The following ASTN2 variants were observed in gnomAD, a reference collection of about 807,000 sequenced individuals.
The protein encoded by ASTN2 is astrotactin-2.
In ASTN2, 54 loss-of-function variants were observed where a neutral mutation model predicts 139.8. That is an observed-to-expected ratio of 0.39 (90% CI 0.31 to 0.48). The LOEUF (loss-of-function observed/expected upper bound fraction) is 0.48. Among genes scored for constraint, ASTN2 ranks in the 20% least tolerant of loss-of-function variants. The probability of loss-of-function intolerance (pLI) is 0.95; values close to 1 mark genes in which losing one functional copy is unlikely to be tolerated. For synonymous variants in ASTN2, 756 were observed against 719.5 expected (o/e 1.05, Z -0.81); for missense variants, 1,565 against 1,725.1 (o/e 0.91, Z 1.64).
At chr9:116,901,491 C>T (rs1834010009) in intron 10 of ASTN2, among the ~76,000 whole-genome samples, 1 of 152,120 alleles carries the variant, frequency 6.6e-6, no homozygotes, top group South Asian at 2.1e-4. Context: ...CTGAAAAATT[C>T]CTGTTGCTTA....
At position 117,359,045 on chromosome 9, in the gene ASTN2, G is replaced by C. The variant is rs566272512; in HGVS notation, c.442+55452C>G. Among the ~76,000 whole-genome samples, 4 of 152,276 alleles carry C rather than the reference G, an allele frequency of 2.6e-5. No individual in the cohort carries two copies. The East Asian group carries it at 7.7e-4, about 29-fold the overall frequency. ...AAGAGTAAACCTGGATGGACTCTCA[G>C]GTCCCTCAGAGCCCTTTTCTCTGTG... On this transcript the variant is annotated intron_variant, in intron 1 of 22. Transcript: ENST00000313400.
At chr9:117,353,556 A>G (rs1259425495) in intron 1 of ASTN2, among the ~76,000 whole-genome samples, 6 of 152,210 alleles carry the variant, frequency 3.9e-5, no homozygotes, top group African/African-American at 1.2e-4. Flanking sequence ...TAGCAAAATG[A>G]TGACACCTTG....
chr9:116,644,048 C>A (rs1004277742), intron 17 of ASTN2, among the ~76,000 whole-genome samples: 2 of 151,890 alleles, frequency 1.3e-5, no homozygotes, highest in Non-Finnish European at 2.9e-5. Flanking sequence ...AGTGATGGGG[C>A]TATAGCGAGG....
chr9:116,920,100 T>C (rs751503373), intron 10 of ASTN2, among the ~76,000 whole-genome samples: 6 of 152,136 alleles, frequency 3.9e-5, no homozygotes, highest in Non-Finnish European at 5.9e-5. Flanking sequence ...CTGTGTACAA[T>C]GGAAATGGGG....
intron 5 of ASTN2, among the ~76,000 whole-genome samples, chr9:117,072,077 A>T (rs538002558): frequency 6.6e-6 from 1 of 152,310 alleles, no homozygotes; most frequent in South Asian, 2.1e-4. Context: ...CCAATTGCAC[A>T]GGTAGTAAGT....
At chr9:117,379,186 T>G (rs1209666906) in intron 1 of ASTN2, among the ~76,000 whole-genome samples, 1 of 152,144 alleles carries the variant, frequency 6.6e-6, no homozygotes, top group Admixed American at 6.6e-5. Flanking sequence ...GAGGACAGAC[T>G]AATGCAGTCT....
At chr9:116,687,029 G>A in intron 16 of ASTN2, 1 of 1,373,800 alleles carries the variant, frequency 7.3e-7, no homozygotes, top group Non-Finnish European at 9.4e-7. Flanking sequence ...ATTGAGACTG[G>A]AGTCAGATAC....
intron 16 of ASTN2, among the ~76,000 whole-genome samples, chr9:116,688,219 G>A (rs1860371588): frequency 6.6e-6 from 1 of 152,024 alleles, no homozygotes; most frequent in Non-Finnish European, 1.5e-5. Flanking sequence ...GACGAGGGTT[G>A]CAATATACAG....
intron 22 of ASTN2, among the ~76,000 whole-genome samples, chr9:116,438,433 C>T (rs561414768): frequency 4.1e-4 from 62 of 152,310 alleles, no homozygotes; most frequent in African/African-American, 1.5e-3. Flanking sequence ...TCTTACCACT[C>T]CTGCTGTCAC....
intron 10 of ASTN2, among the ~76,000 whole-genome samples, chr9:116,972,111 A>C (rs543310341): frequency 6.6e-6 from 1 of 152,324 alleles, no homozygotes; most frequent in South Asian, 2.1e-4. Flanking sequence ...ACATAAGCCC[A>C]CTTGTAGTTC....
intron 19 of ASTN2, among the ~76,000 whole-genome samples, chr9:116,535,623 T>G (rs929440662): frequency 1.3e-5 from 2 of 152,166 alleles, no homozygotes; most frequent in Non-Finnish European, 2.9e-5. Context: ...TGAAGCTTAG[T>G]TTCGCTGGAT....
At chr9:117,078,894 C>T (rs755509299) in intron 5 of ASTN2, among the ~76,000 whole-genome samples, 1 of 152,236 alleles carries the variant, frequency 6.6e-6, no homozygotes, top group South Asian at 2.1e-4. Context: ...GGCCACCATG[C>T]CCTGCTAATT....
chr9:116,911,866 C>T (rs577092855), intron 10 of ASTN2, among the ~76,000 whole-genome samples: 19 of 152,246 alleles, frequency 1.2e-4, no homozygotes, highest in African/African-American at 4.6e-4. Context: ...GCACTCCAGC[C>T]TGGGCAGCAG....
intron 16 of ASTN2, among the ~76,000 whole-genome samples, chr9:116,654,040 G>C (rs966203524): frequency 6.6e-6 from 1 of 152,148 alleles, no homozygotes; most frequent in Non-Finnish European, 1.5e-5. Flanking sequence ...TAGACCAGAC[G>C]GATAGTTTTG....
At chr9:117,156,933 A>G (rs1415980049) in intron 3 of ASTN2, among the ~76,000 whole-genome samples, 1 of 152,012 alleles carries the variant, frequency 6.6e-6, no homozygotes, top group Non-Finnish European at 1.5e-5. Flanking sequence ...AACATGTATG[A>G]GGTTAGGAAG....
At chr9:116,892,838 G>A (rs559095402) in intron 10 of ASTN2, among the ~76,000 whole-genome samples, 1 of 152,008 alleles carries the variant, frequency 6.6e-6, no homozygotes, top group Non-Finnish European at 1.5e-5. Context: ...TAAAAATAAA[G>A]GCACCCAATT....
At chr9:117,029,226 A>G (rs990580363) in intron 6 of ASTN2, among the ~76,000 whole-genome samples, 1 of 152,160 alleles carries the variant, frequency 6.6e-6, no homozygotes, top group African/African-American at 2.4e-5. Context: ...TACCTTGCAA[A>G]GTACTTAGCA....
chr9:116,565,431 T>TA (rs1853180208), intron 19 of ASTN2, among the ~76,000 whole-genome samples: 2 of 117,798 alleles, frequency 1.7e-5, no homozygotes, highest in Non-Finnish European at 3.5e-5. Context: ...ATATATATAT[T>TA]TATTTATTTA....
chr9:117,398,875 G>A (rs1372744526), intron 1 of ASTN2, among the ~76,000 whole-genome samples: 2 of 152,136 alleles, frequency 1.3e-5, no homozygotes, highest in Admixed American at 6.6e-5. Flanking sequence ...TCCGCCTCCC[G>A]GGTTCAAGCA....
Sources: allele counts gnomAD v4.1 joint callset (sites outside exome capture counted in the v4.1 genomes callset), GRCh38; gene constraint gnomAD v4.1.1; transcripts MANE v1.5; gene names NCBI Gene and HGNC (gene_info 2026-07-23, HGNC 2026-07-21).